KIF25: variants seen among roughly 807,000 people sequenced by gnomAD.
KIF25 encodes kinesin-like protein KIF25.
KIF25 carries 19 observed loss-of-function variants against 32.9 expected under a neutral mutation model. That is an observed-to-expected ratio of 0.58 (90% CI 0.40 to 0.85). The LOEUF is 0.85. Among genes scored for constraint, KIF25 ranks in the 40% least tolerant of loss-of-function variants. The probability of loss-of-function intolerance (pLI) is 0.00; values close to 1 mark genes in which losing one functional copy is unlikely to be tolerated. For missense variants in KIF25, 485 were observed against 507.0 expected (o/e 0.96, Z 0.42); for synonymous variants, 225 against 213.7 (o/e 1.05, Z -0.46).
chr6:168,008,543 T>C (rs901549942), intron 4 of KIF25, among the ~76,000 whole-genome samples: 3 of 152,260 alleles, frequency 2.0e-5, no homozygotes, highest in Middle Eastern at 3.4e-3. Context: ...TCTCAGCATT[T>C]CTTTGGCCTT....
chr6:168,030,661 G>A (rs553819284), intron 6 of KIF25, 112 bp from the exon 7 acceptor site: 9 of 696,394 alleles, frequency 1.3e-5, no homozygotes, highest in Admixed American at 5.3e-5. Context: ...TCCTGATGGC[G>A]TTGGGGGGAT....
chr6:168,044,666 G>A (rs1799191549), intron 12 of KIF25, among the ~76,000 whole-genome samples, 161 bp from the exon 13 acceptor site: 1 of 152,240 alleles, frequency 6.6e-6, no homozygotes, highest in Non-Finnish European at 1.5e-5. Flanking sequence ...TGACCCTCCT[G>A]GACCCCCGTC....
chr6:168,044,783 G>T (rs771337352), intron 12 of KIF25, 44 bp from the exon 13 acceptor site: 5 of 1,532,376 alleles, frequency 3.3e-6, no homozygotes, highest in Admixed American at 3.9e-5. Context: ...ACTTTCAGAT[G>T]CTGCTCTTCT....
At chr6:168,040,890 T>C (rs747479637) in intron 10 of KIF25, among the ~76,000 whole-genome samples, 74 of 152,372 alleles carry the variant, frequency 4.9e-4, no homozygotes, top group Non-Finnish European at 8.1e-4. Flanking sequence ...ATTCCAGTTA[T>C]GTAACAGAAA....
At chr6:168,016,025 C>T (rs1798707588) in intron 4 of KIF25, among the ~76,000 whole-genome samples, 1 of 152,132 alleles carries the variant, frequency 6.6e-6, no homozygotes, top group African/African-American at 2.4e-5. Flanking sequence ...CATACTGGAG[C>T]ACTAGGATTA....
At chr6:168,008,886 C>T (rs1472670273) in intron 4 of KIF25, among the ~76,000 whole-genome samples, 3 of 151,986 alleles carry the variant, frequency 2.0e-5, no homozygotes, top group Non-Finnish European at 2.9e-5. Context: ...TAGTTCATTG[C>T]TCATATATAG....
chr6:168,019,827 G>A (rs1439285350), intron 5 of KIF25, among the ~76,000 whole-genome samples: 1 of 152,180 alleles, frequency 6.6e-6, no homozygotes, highest in Non-Finnish European at 1.5e-5. Flanking sequence ...TGGGCGCTCA[G>A]AGAACATTTG....
chr6:168,030,593 C>A, intron 6 of KIF25, 180 bp from the exon 7 acceptor site: 1 of 421,418 alleles, frequency 2.4e-6, no homozygotes. Flanking sequence ...ACTATCTTTA[C>A]TCTTTATTAA....
chr6:168,019,534 G>A (rs972522499), intron 5 of KIF25, among the ~76,000 whole-genome samples: 42 of 152,214 alleles, frequency 2.8e-4, no homozygotes, highest in African/African-American at 9.6e-4. Flanking sequence ...GCTTGAGGCC[G>A]CAGCAACAGA....
chr6:168,040,039 T>A, intron 9 of KIF25, 26 bp from the exon 10 acceptor site: 3 of 1,599,922 alleles, frequency 1.9e-6, no homozygotes, highest in Non-Finnish European at 2.6e-6. Flanking sequence ...CCTCACTGTG[T>A]TCCCCACTGC....
rs149896553 is a variant in KIF25 at position 167,997,873 on chromosome 6, G to T, written c.-1596G>T. Among the ~76,000 whole-genome samples the T allele has an allele frequency of 2.6e-5, 4 of 152,298 alleles. No homozygotes were observed. Among genetic ancestry groups the T allele is most frequent in the African/African-American group, 4.8e-5 (2 of 41,556 alleles). The stretch of plus-strand genomic sequence containing the variant: ...CCTGCCCGAGGCCCACGAAGCCAGT[G>T]TTCCTGCGAAGCTTCTCTTCCCTGG... On this transcript the variant is annotated 5_prime_UTR_variant, in exon 1 of 13. Coordinates refer to ENST00000643607, the MANE Select transcript of KIF25 (RefSeq NM_030615.4).
intron 6 of KIF25, among the ~76,000 whole-genome samples, chr6:168,030,142 G>A (rs945963803): frequency 6.6e-6 from 1 of 152,130 alleles, no homozygotes; most frequent in Non-Finnish European, 1.5e-5. Context: ...TTTTTTGGAC[G>A]TTGCTTCCTA....
chr6:168,023,073 G>A (rs1160163106), intron 5 of KIF25, among the ~76,000 whole-genome samples: 1 of 151,992 alleles, frequency 6.6e-6, no homozygotes, highest in Non-Finnish European at 1.5e-5. Flanking sequence ...CTATCTTTGA[G>A]TGCCCTGGAC....
At chr6:168,042,943 G>A (rs935326714) in intron 12 of KIF25, among the ~76,000 whole-genome samples, 1 of 152,150 alleles carries the variant, frequency 6.6e-6, no homozygotes, top group African/African-American at 2.4e-5. Flanking sequence ...TTGCCTCCTG[G>A]TTGGGGCTCA....
intron 5 of KIF25, among the ~76,000 whole-genome samples, chr6:168,023,471 T>G (rs1210789427): frequency 1.3e-5 from 2 of 152,160 alleles, no homozygotes; most frequent in Non-Finnish European, 2.9e-5. Context: ...TTTCACCATG[T>G]TGGCCCAGCA....
chr6:168,038,846 A>G, intron 9 of KIF25, 117 bp downstream of exon 9: 1 of 1,036,342 alleles, frequency 9.6e-7, no homozygotes, highest in Non-Finnish European at 1.4e-6. Flanking sequence ...AAGGATCCCA[A>G]GGAGAATCGG....
chr6:168,023,632 A>G (rs1272621660), intron 5 of KIF25, among the ~76,000 whole-genome samples: 2 of 151,686 alleles, frequency 1.3e-5, no homozygotes, highest in Non-Finnish European at 2.9e-5. Flanking sequence ...GAACTCCTGA[A>G]CTCAAGTAAT....
At position 168,042,655 on chromosome 6, in the gene KIF25, G is replaced by A. The variant is rs1799143471; in HGVS notation, c.924G>A (p.Glu308=). The A allele has an allele frequency of 1.2e-6, 2 of 1,613,628 alleles. No homozygotes were observed. Among genetic ancestry groups the A allele is most frequent in the African/African-American group, 2.7e-5 (2 of 74,936 alleles). ...CAGGCGTCCTGGGGGCTTTGTTGGA[G>A]CACCGTGGCCATGCCCCGTACCGGA... ...ALAGVLGALL[E]HRGHAPYRNS... The change falls in exon 12 of 13, where the codon GAG becomes GAA. Residue 308 remains glutamate, a synonymous_variant. Coordinates refer to ENST00000643607, the MANE Select transcript of KIF25 (RefSeq NM_030615.4).
chr6:168,007,599 G>A (rs1798595519), intron 4 of KIF25, among the ~76,000 whole-genome samples: 1 of 152,198 alleles, frequency 6.6e-6, no homozygotes, highest in Admixed American at 6.5e-5. Context: ...CACACAGTTT[G>A]TGCACAGTCT....
Sources: gnomAD v4.1 joint callset for allele counts (sites outside exome capture counted in the v4.1 genomes callset) on GRCh38, gnomAD v4.1.1 for gene constraint, MANE v1.5 for transcripts, NCBI Gene and HGNC (gene_info 2026-07-23, HGNC 2026-07-21) for gene names.